The following HS6ST3 variants were observed in gnomAD, a reference collection of about 807,000 sequenced individuals.
The protein encoded by HS6ST3 is heparan sulfate 6-O-sulfotransferase 3, also known as heparan-sulfate 6-O-sulfotransferase 3.
In HS6ST3, 12 loss-of-function variants were observed where a neutral mutation model predicts 36.7. That is an observed-to-expected ratio of 0.33 (90% CI 0.21 to 0.53). The LOEUF (loss-of-function observed/expected upper bound fraction) is 0.53. Ranked by LOEUF, HS6ST3 falls within the 20% of genes least tolerant of loss-of-function variation. HS6ST3 has a pLI of 0.95. For missense variants in HS6ST3, 584 were observed against 640.9 expected, an observed-to-expected ratio of 0.91 and a Z score of 0.96; for synonymous variants, 240 against 257.5, an observed-to-expected ratio of 0.93 and a Z score of 0.65.
chr13:96,483,222 A>G (rs1004562777), intron 1 of HS6ST3, among the ~76,000 whole-genome samples: 16 of 152,184 alleles, frequency 1.1e-4, no homozygotes. Context: ...CGGTCAGGGA[A>G]GTGGTACTAG....
intron 1 of HS6ST3, among the ~76,000 whole-genome samples, chr13:96,797,700 G>GA (rs1397817328): frequency 9.2e-5 from 14 of 151,946 alleles, no homozygotes; most frequent in African/African-American, 3.1e-4. Context: ...GGATTATGTA[G>GA]AAAAAAACAA....
chr13:96,340,786 A>G (rs1233444765), intron 1 of HS6ST3, among the ~76,000 whole-genome samples: 1 of 152,250 alleles, frequency 6.6e-6, no homozygotes, highest in Non-Finnish European at 1.5e-5. Context: ...GATGGTCAGT[A>G]TGTTTTTTGA....
chr13:96,759,167 A>T (rs1594853546), intron 1 of HS6ST3, among the ~76,000 whole-genome samples: 1 of 151,800 alleles, frequency 6.6e-6, no homozygotes, highest in Admixed American at 6.6e-5. Flanking sequence ...TTTTTAATCC[A>T]TCTGCGACTT....
chr13:96,457,562 T>C (rs1180845927), intron 1 of HS6ST3, among the ~76,000 whole-genome samples: 1 of 152,070 alleles, frequency 6.6e-6, no homozygotes, highest in Non-Finnish European at 1.5e-5. Flanking sequence ...TACTGAACTC[T>C]CTTTGATAGC....
intron 1 of HS6ST3, among the ~76,000 whole-genome samples, chr13:96,475,744 CA>C (rs1232607206): frequency 6.6e-6 from 1 of 151,676 alleles, no homozygotes; most frequent in Non-Finnish European, 1.5e-5. Flanking sequence ...AAAAGAAAAT[CA>C]ACTGAAATCA....
chr13:96,167,085 A>G (rs2054164559), intron 1 of HS6ST3, among the ~76,000 whole-genome samples: 2 of 152,126 alleles, frequency 1.3e-5, no homozygotes, highest in African/African-American at 2.4e-5. Flanking sequence ...AGTCTTGGGT[A>G]TGTCTTTATT....
intron 1 of HS6ST3, among the ~76,000 whole-genome samples, chr13:96,103,534 C>G (rs1206612464): frequency 1.3e-5 from 2 of 152,070 alleles, no homozygotes; most frequent in Non-Finnish European, 2.9e-5. Flanking sequence ...ATTTATGAGA[C>G]AATTTGGATA....
At chr13:96,476,283 G>A (rs541175410) in intron 1 of HS6ST3, among the ~76,000 whole-genome samples, 11 of 152,228 alleles carry the variant, frequency 7.2e-5, no homozygotes, top group South Asian at 4.1e-4. Flanking sequence ...CTTTAGACAC[G>A]TACAATGGAT....
chr13:96,374,387 A>G (rs78702124), intron 1 of HS6ST3, among the ~76,000 whole-genome samples: 2,550 of 152,160 alleles, frequency 0.017, 32 homozygotes, highest in South Asian at 0.028. Context: ...TTACCTATTA[A>G]TATCTGCTAC....
intron 1 of HS6ST3, among the ~76,000 whole-genome samples, chr13:96,667,708 T>C (rs1042732086): frequency 6.6e-6 from 1 of 152,234 alleles, no homozygotes; most frequent in Non-Finnish European, 1.5e-5. Flanking sequence ...CATTTGCTAT[T>C]CTTGTTAAAA....
chr13:96,210,599 C>G (rs940360327), intron 1 of HS6ST3, among the ~76,000 whole-genome samples: 1 of 108,872 alleles, frequency 9.2e-6, no homozygotes, highest in Non-Finnish European at 2.0e-5. Context: ...TTTTTTTTTT[C>G]TTTCTTCTGA....
At position 96,382,119 on chromosome 13, in the gene HS6ST3, G is replaced by T. The variant is rs138449631; in HGVS notation, c.707+290550G>T. 2.5e-3 allele frequency among the ~76,000 whole-genome samples: 388 copies of T among 152,258 alleles called. 2 individuals carry two copies. Among genetic ancestry groups the T allele is most frequent in the African/African-American group, 8.8e-3 (365 of 41,556 alleles). On this transcript the variant is annotated intron_variant, in intron 1 of 1. Coordinates refer to ENST00000376705, the MANE Select transcript of HS6ST3 (RefSeq NM_153456.4). ...CTACTCAGGGAGGAGCAGGAGCTGC[G>T]TTTGGTCCCTGTGATAAGGAGGGTT... is the stretch of plus-strand genomic sequence containing the variant.
intron 1 of HS6ST3, among the ~76,000 whole-genome samples, chr13:96,115,479 A>C (rs1215452876): frequency 1.3e-5 from 2 of 152,060 alleles, no homozygotes; most frequent in Non-Finnish European, 2.9e-5. Context: ...ACTCCCACTT[A>C]TGAGTGAGAA....
chr13:96,397,268 A>G (rs562522637), intron 1 of HS6ST3, among the ~76,000 whole-genome samples: 16 of 152,298 alleles, frequency 1.1e-4, no homozygotes, highest in Non-Finnish European at 1.8e-4. Flanking sequence ...CAATATAGGT[A>G]TATACTTTTA....
At chr13:96,421,460 A>C (rs1293211179) in intron 1 of HS6ST3, among the ~76,000 whole-genome samples, 1 of 152,200 alleles carries the variant, frequency 6.6e-6, no homozygotes, top group Non-Finnish European at 1.5e-5. Flanking sequence ...TATTTCAATA[A>C]CTTTCATTTT....
intron 1 of HS6ST3, among the ~76,000 whole-genome samples, chr13:96,651,792 T>C (rs2056608503): frequency 6.6e-6 from 1 of 152,104 alleles, no homozygotes; most frequent in African/African-American, 2.4e-5. Context: ...AAAGTTCATT[T>C]GGACTCCAGA....
chr13:96,268,088 C>G lies in HS6ST3; in HGVS notation c.707+176519C>G, dbSNP rs533941855. 2.0e-5 allele frequency among the ~76,000 whole-genome samples: 3 copies of G among 152,002 alleles called. 1 individual carries two copies. Among genetic ancestry groups the G allele is most frequent in the African/African-American group, 7.3e-5 (3 of 41,344 alleles). ...TCAGTCCTGTTGGGTGAGGGCTCTA[C>G]TCTCATGATTTCTAATTGTAATCAC... On this transcript the variant is annotated intron_variant, in intron 1 of 1. Transcript: ENST00000376705.
intron 1 of HS6ST3, among the ~76,000 whole-genome samples, chr13:96,318,966 T>C (rs1594752051): frequency 6.6e-6 from 1 of 152,226 alleles, no homozygotes; most frequent in African/African-American, 2.4e-5. Flanking sequence ...AAAAATAGCC[T>C]TATTAAGATA....
intron 1 of HS6ST3, among the ~76,000 whole-genome samples, chr13:96,526,256 C>A (rs907022240): frequency 2.0e-5 from 3 of 152,088 alleles, no homozygotes; most frequent in East Asian, 1.9e-4. Flanking sequence ...TGTGATGCAC[C>A]GCTGACGAGC....
Sources: gnomAD v4.1 joint callset for allele counts (sites outside exome capture counted in the v4.1 genomes callset) on GRCh38, gnomAD v4.1.1 for gene constraint, MANE v1.5 for transcripts, NCBI Gene and HGNC (gene_info 2026-07-23, HGNC 2026-07-21) for gene names.